The following COP1 variants were observed in gnomAD, a reference collection of about 807,000 sequenced individuals.
The protein encoded by COP1 is E3 ubiquitin-protein ligase COP1.
Under a neutral mutation model 101.3 loss-of-function variants are expected in COP1, and 24 were observed. The ratio of observed to expected loss-of-function variants is 0.24; its 90% CI spans 0.17 to 0.33. COP1 has a LOEUF of 0.33. Ranked by LOEUF, COP1 falls within the 10% of genes least tolerant of loss-of-function variation. The pLI is 1.00. For missense variants in COP1, 663 were observed against 906.2 expected (o/e 0.73, Z 3.45); for synonymous variants, 347 against 341.9 (o/e 1.01, Z -0.17).
At chr1:176,060,546 A>G (rs1416955340) in intron 11 of COP1, among the ~76,000 whole-genome samples, 2 of 152,212 alleles carry the variant, frequency 1.3e-5, no homozygotes, top group African/African-American at 2.4e-5. Flanking sequence ...TAAAATTTCA[A>G]TTCTTAACTT....
intron 1 of COP1, among the ~76,000 whole-genome samples, chr1:176,187,512 G>A (rs1443298013): frequency 2.6e-5 from 4 of 152,018 alleles, no homozygotes. Context: ...GCCTCCCAAA[G>A]TGTTGGGATT....
chr1:175,973,060 A>G (rs1346036500), intron 18 of COP1, among the ~76,000 whole-genome samples: 1 of 150,730 alleles, frequency 6.6e-6, no homozygotes, highest in Non-Finnish European at 1.5e-5. Context: ...TCAAACTCCC[A>G]AACTCAGGGG....
intron 9 of COP1, among the ~76,000 whole-genome samples, chr1:176,114,361 AG>A (rs1395823178): frequency 3.9e-5 from 6 of 152,220 alleles, no homozygotes; most frequent in Non-Finnish European, 7.3e-5. Context: ...TGATGTACAG[AG>A]TAGTCACATA....
chr1:176,188,617 A>G (rs949329406), intron 1 of COP1, among the ~76,000 whole-genome samples: 1 of 152,114 alleles, frequency 6.6e-6, no homozygotes, highest in Non-Finnish European at 1.5e-5. Flanking sequence ...AATTTTCACA[A>G]TATTTCAAAC....
chr1:176,118,629 G>A (rs547506880), intron 8 of COP1, among the ~76,000 whole-genome samples: 10 of 152,184 alleles, frequency 6.6e-5, no homozygotes, highest in African/African-American at 9.6e-5. Flanking sequence ...GGTGGTGGAC[G>A]CCTGGGGTTC....
chr1:176,030,792 A>C (rs1668529478), intron 14 of COP1, among the ~76,000 whole-genome samples: 2 of 152,202 alleles, frequency 1.3e-5, no homozygotes, highest in South Asian at 4.1e-4. Context: ...GTTCCCCAAA[A>C]AGACATGTTT....
intron 9 of COP1, among the ~76,000 whole-genome samples, chr1:176,090,612 G>T (rs898411070): frequency 6.6e-6 from 1 of 152,122 alleles, no homozygotes; most frequent in African/African-American, 2.4e-5. Context: ...AAAAGTAATT[G>T]AACTGGAATT....
intron 1 of COP1, among the ~76,000 whole-genome samples, chr1:176,188,718 C>A (rs536998124): frequency 2.3e-4 from 35 of 152,120 alleles, no homozygotes; most frequent in Non-Finnish European, 4.4e-4. Context: ...ACAAATTGCA[C>A]CCATATTAGA....
intron 9 of COP1, among the ~76,000 whole-genome samples, chr1:176,092,941 A>T (rs1681595865): frequency 6.6e-6 from 1 of 152,230 alleles, no homozygotes; most frequent in South Asian, 2.1e-4. Flanking sequence ...CTAGAAGTGC[A>T]TGTAATGTAT....
chr1:176,003,300 T>A lies in COP1; in HGVS notation c.1730-13821A>T, dbSNP rs569091204. ...AAAAATTTTCTCCCATTCTGTAGGT[T>A]GCCTGTTCACTCTGATGGTAGTTTC... On this transcript the variant is annotated intron_variant, in intron 15 of 19. Transcript: ENST00000367669. Among the ~76,000 whole-genome samples the A allele has an allele frequency of 1.7e-3, 256 of 152,334 alleles. 1 individual carries two copies. Among genetic ancestry groups the A allele is most frequent in the African/African-American group, 5.9e-3 (245 of 41,582 alleles).
intron 18 of COP1, among the ~76,000 whole-genome samples, chr1:175,951,437 A>AATGAATATATAT: frequency 9.3e-6 from 1 of 108,022 alleles, no homozygotes; most frequent in African/African-American, 3.4e-5. Context: ...AAGATACGTG[A>AATGAATATATAT]ATATATATAT....
At chr1:176,010,830 C>T (rs1282218631) in intron 15 of COP1, among the ~76,000 whole-genome samples, 2 of 152,146 alleles carry the variant, frequency 1.3e-5, no homozygotes, top group African/African-American at 2.4e-5. Context: ...TTTAAGCCAA[C>T]AAGATGAATT....
rs758496054 is a variant in COP1 at position 176,085,822 on chromosome 1, T to C, written c.1095A>G (p.Glu365=). Reference sequence around the variant, plus strand: ...TAGAAAAGTAACACTGCTCCAAGTCTTCAAAATGAGCAGTAAGTCGTTTTC... The same window carrying C: ...TAGAAAAGTAACACTGCTCCAAGTCCTCAAAATGAGCAGTAAGTCGTTTTC... The part of the protein sequence containing the change: ...SRRKRLTAHF[E]DLEQCYFSTR... The change falls in exon 10 of 20, where the codon GAA becomes GAG. Residue 365 remains glutamate (E), a synonymous_variant. Transcript: ENST00000367669. 3.1e-6 allele frequency: 5 copies of C among 1,607,880 alleles called. No homozygotes were observed. The highest frequency in any genetic ancestry group is 4.3e-6 in the Non-Finnish European group (5 of 1,175,514).
At chr1:176,060,852 A>T (rs1674713794) in intron 11 of COP1, among the ~76,000 whole-genome samples, 1 of 152,180 alleles carries the variant, frequency 6.6e-6, no homozygotes, top group African/African-American at 2.4e-5. Context: ...TGTTTCTTAT[A>T]AAAATAAGTA....
rs369850668 is a variant in COP1 at position 176,185,154 on chromosome 1, A to AATG, written c.408-465_408-463dup. Reference sequence around the variant, plus strand: ...TCTAGTTTCGACAATGCTTGTAGGTAATGACAACAATCATAACAACTTATT... The same window carrying AATG: ...TCTAGTTTCGACAATGCTTGTAGGTAATGATGACAACAATCATAACAACTTATT... On this transcript the variant is annotated intron_variant, in intron 1 of 19. Coordinates refer to ENST00000367669, the MANE Select transcript of COP1 (RefSeq NM_022457.7). 2.6e-3 allele frequency among the ~76,000 whole-genome samples: 399 copies of AATG among 152,306 alleles called. 3 individuals are homozygous for AATG. The highest frequency in any genetic ancestry group is 9.2e-3 in the African/African-American group (381 of 41,564).
At chr1:176,163,419 C>T (rs1694640259) in intron 4 of COP1, among the ~76,000 whole-genome samples, 1 of 152,202 alleles carries the variant, frequency 6.6e-6, no homozygotes, top group Non-Finnish European at 1.5e-5. Flanking sequence ...CAAAGTCTCG[C>T]TATGTTGCCC....
chr1:176,135,164 C>T, intron 7 of COP1, 78 bp from the exon 8 acceptor site: 1 of 923,282 alleles, frequency 1.1e-6, no homozygotes, highest in Middle Eastern at 3.4e-4. Flanking sequence ...ATGATATATT[C>T]CTTTCTATTC....
chr1:175,982,346 G>A (rs1656072400), intron 18 of COP1: 1 of 456,246 alleles, frequency 2.2e-6, no homozygotes, highest in Non-Finnish European at 4.4e-6. Flanking sequence ...GGAAAACACA[G>A]GTTTGAACTG....
intron 15 of COP1, among the ~76,000 whole-genome samples, chr1:176,000,352 G>C (rs1289161980): frequency 6.6e-6 from 1 of 151,722 alleles, no homozygotes; most frequent in Non-Finnish European, 1.5e-5. Context: ...TTATTGAAAA[G>C]ACTGTCTTTT....
Sources: gnomAD v4.1 joint callset for allele counts (sites outside exome capture counted in the v4.1 genomes callset) on GRCh38, gnomAD v4.1.1 for gene constraint, MANE v1.5 for transcripts, NCBI Gene and HGNC (gene_info 2026-07-23, HGNC 2026-07-21) for gene names.